Variants in LGALS3BP observed in about 807,000 individuals in gnomAD.
LGALS3BP encodes galectin 3 binding protein, also known as galectin-3-binding protein.
LGALS3BP carries 25 observed loss-of-function variants against 22.9 expected under a neutral mutation model. The observed-to-expected ratio is 1.09, with a 90% CI of 0.80 to 1.53. The LOEUF (loss-of-function observed/expected upper bound fraction) is 1.53. LGALS3BP is among the 40% of genes most tolerant of loss of function. The pLI, the probability that LGALS3BP is intolerant of heterozygous loss-of-function variation, is 0.00. For synonymous variants in LGALS3BP, 335 were observed against 331.1 expected, an observed-to-expected ratio of 1.01 and a Z score of -0.13; for missense variants, 718 against 752.0, an observed-to-expected ratio of 0.95 and a Z score of 0.53.
rs2070750258 is a variant in LGALS3BP, at chr17:78,979,920, G to C, written c.-120C>G. 1 of 152,262 alleles carries C rather than the reference G, an allele frequency of 6.6e-6. No homozygotes were observed. The highest frequency in any genetic ancestry group is 1.5e-5 in the Non-Finnish European group (1 of 68,074). The allele number at this position is 152,262 out of a possible 1,614,324, so 9.4% of individuals were successfully genotyped here. A position where few individuals can be genotyped will look rare whatever the true frequency, so the allele number is the denominator to read the frequency against. ...TCCTTTGACCCAGAAGCCTCTCCCA[G>C]TATGGAGCGTGGTCAGGCTGATCCC... On this transcript the variant is annotated 5_prime_UTR_variant, in exon 1 of 6. Coordinates refer to ENST00000262776, the MANE Select transcript of LGALS3BP (RefSeq NM_005567.4).
chr17:78,972,226 C>T lies in LGALS3BP; in HGVS notation c.1108G>A (p.Glu370Lys), dbSNP rs756284561. Residue 370 changes from glutamate (E) to lysine (K), a missense_variant, in exon 6 of 6, where the codon GAG (glutamate) becomes AAG (lysine). Physicochemically the swap from Glu to Lys is moderately conservative, Grantham distance 56. Transcript: ENST00000262776. This position sits in a 1 kb window ranked among gnomAD's most constrained non-coding sequence, Gnocchi z 5.1. Reference protein sequence around the residue: ...QFNLSLYWSHEALFQKKTLQA... With the variant: ...QFNLSLYWSHKALFQKKTLQA... ...AGAGTCTTCTTCTGGAACAGGGCCT[C>T]GTGGCTCCAGTACAGGGACAGGTTG... is the stretch of plus-strand genomic sequence containing the variant. 1.7e-5 allele frequency: 28 copies of T among 1,613,774 alleles called. No homozygotes were observed. In the Middle Eastern group the frequency reaches 8.2e-4, roughly 47 times the overall value.
Position 78,973,224 on chromosome 17 carries a change from T to A in LGALS3BP, c.377-2A>T. 6.5e-7 allele frequency: 1 copy of A among 1,527,374 alleles called. No homozygotes were observed. Among genetic ancestry groups the A allele is most frequent in the Non-Finnish European group, 8.8e-7 (1 of 1,134,964 alleles). The allele number at this position is 1,527,374 out of a possible 1,614,324, so 94.6% of individuals were successfully genotyped here. ...CCAGGGTGTGGGTGCTCCTGGTTTC[T>A]AAGAAGGGGCGGGAGGGAAGTGGGC... On this transcript the variant is annotated splice_acceptor_variant, in intron 4 of 5. Transcript: ENST00000262776. LOFTEE classifies it high-confidence loss of function. This position sits in a 1 kb window ranked among gnomAD's most constrained non-coding sequence, Gnocchi z 5.8.
chr17:78,972,428 G>A lies in LGALS3BP; in HGVS notation c.906C>T (p.Asp302=). Residue 302 remains aspartate, a synonymous_variant, in exon 6 of 6, where the codon GAC becomes GAT. Coordinates refer to ENST00000262776, the MANE Select transcript of LGALS3BP (RefSeq NM_005567.4). The surrounding 1 kb of genome is among the most constrained non-coding windows in gnomAD (Gnocchi z 5.1). The part of the protein sequence containing the change: ...QAEAWPSVPT[D]LLQLLLPRSD... Reference sequence around the variant, plus strand: ...TCCTGGGCAGCAGCAGTTGGAGCAGGTCTGTGGGGACACTGGGCCAGGCCT... The same window carrying A: ...TCCTGGGCAGCAGCAGTTGGAGCAGATCTGTGGGGACACTGGGCCAGGCCT... The A allele has an allele frequency of 6.2e-7, 1 of 1,613,470 alleles. No homozygotes were observed. The highest frequency in any genetic ancestry group is 1.1e-5 in the South Asian group (1 of 91,088).
Position 78,974,653 on chromosome 17 carries a change from C to A in LGALS3BP, c.376+35G>T, listed in dbSNP as rs758185330. 5 of 1,602,334 alleles carry A rather than the reference C, an allele frequency of 3.1e-6. No homozygotes were observed. The Admixed American group carries it at 5.0e-5, about 16-fold the overall frequency. On this transcript the variant is annotated intron_variant, in intron 4 of 5. Transcript: ENST00000262776. ...AGGGGCCACGGGACCCCAGGGCACA[C>A]TGGGGCCTCCGCAGGGAGGTGCGCC... is the stretch of plus-strand genomic sequence containing the variant.
intron 1 of LGALS3BP, 127 bp from the exon 2 acceptor site, chr17:78,977,341 G>A: frequency 1.4e-6 from 1 of 710,622 alleles, no homozygotes; most frequent in Non-Finnish European, 2.3e-6. Context: ...CTCTCTTGCA[G>A]AGCCCACTAT....
At position 78,973,379 on chromosome 17, in the gene LGALS3BP, C is replaced by T. The variant is rs957506213; in HGVS notation, c.377-157G>A. 28 of 909,550 alleles carry T rather than the reference C, an allele frequency of 3.1e-5. No homozygotes were observed. The highest frequency in any genetic ancestry group is 1.1e-4 in the East Asian group (4 of 37,410). The allele number at this position is 909,550 out of a possible 1,614,324, so 56.3% of individuals were successfully genotyped here. A position where few individuals can be genotyped will look rare whatever the true frequency, so the allele number is the denominator to read the frequency against. The stretch of plus-strand genomic sequence containing the variant: ...GAGGGACAAGAGAGACCGGAAGTGT[C>T]GGATTCCTGGACCCTGAGGCCCCGC... On this transcript the variant is annotated intron_variant, in intron 4 of 5. Coordinates refer to ENST00000262776, the MANE Select transcript of LGALS3BP (RefSeq NM_005567.4). This position sits in a 1 kb window ranked among gnomAD's most constrained non-coding sequence, Gnocchi z 5.8.
In LGALS3BP at chr17:78,973,172, G is replaced by A. The variant is rs576905500; in HGVS notation, c.427C>T (p.Leu143Phe). The stretch of plus-strand genomic sequence containing the variant: ...CGCTGGCTGTCAAAGATCTGGCCAA[G>A]GGCCTCCGAGAGCTCCCTGGAGAGG... ...LDLSRELSEA[L>F]GQIFDSQRGC... is the part of the protein sequence containing the mutation. The change falls in exon 5 of 6, where the codon CTT becomes TTT. Residue 143 changes from leucine (L) to phenylalanine (F), a missense_variant. By Grantham distance (22) the Leu-to-Phe change is conservative. Transcript: ENST00000262776. This position sits in a 1 kb window ranked among gnomAD's most constrained non-coding sequence, Gnocchi z 5.8. 6.2e-7 allele frequency: 1 copy of A among 1,602,290 alleles called. No homozygotes were observed. Among genetic ancestry groups the A allele is most frequent in the Admixed American group, 1.7e-5 (1 of 58,276 alleles).
At position 78,976,230 on chromosome 17, in the gene LGALS3BP, C is replaced by G. The variant is rs971098018; in HGVS notation, c.53-74G>C. On this transcript the variant is annotated intron_variant, in intron 2 of 5. Coordinates refer to ENST00000262776, the MANE Select transcript of LGALS3BP (RefSeq NM_005567.4). The surrounding 1 kb of genome is among the most constrained non-coding windows in gnomAD (Gnocchi z 4.6). ...CGCCCACACCTCCAGGCCCCATATG[C>G]TGTCCTGGGTCTCCCCTGCTGAGCT... 1 of 1,321,260 alleles carries G rather than the reference C, an allele frequency of 7.6e-7. No homozygotes were observed. The highest frequency in any genetic ancestry group is 1.5e-5 in the African/African-American group (1 of 67,802). 81.8% of individuals were successfully genotyped at this position (1,321,260 alleles called of 1,614,324 possible).
chr17:78,974,861 G>A (rs772393279), intron 3 of LGALS3BP, 42 bp from the exon 4 acceptor site: 2 of 1,601,970 alleles, frequency 1.2e-6, no homozygotes, highest in Middle Eastern at 1.7e-4. Context: ...CGTGACGACT[G>A]CACCCAGGAG....
At chr17:78,977,076 C>T (rs1340354265) in intron 2 of LGALS3BP, 64 bp downstream of exon 2, 3 of 1,554,452 alleles carry the variant, frequency 1.9e-6, no homozygotes, top group Non-Finnish European at 2.7e-6. Flanking sequence ...AAGCTCTGAG[C>T]AGCCCCAGGG....
rs2070692649 is a variant in LGALS3BP at position 78,973,367 on chromosome 17, G to A, written c.377-145C>T. 3 of 987,662 alleles carry A rather than the reference G, an allele frequency of 3.0e-6. No individual in the cohort carries two copies. Among genetic ancestry groups the A allele is most frequent in the South Asian group, 1.8e-5 (1 of 54,664 alleles). 61.2% of individuals were successfully genotyped at this position (987,662 alleles called of 1,614,324 possible). ...TCCTGGGAAGACGAGGGACAAGAGA[G>A]ACCGGAAGTGTCGGATTCCTGGACC... On this transcript the variant is annotated intron_variant, in intron 4 of 5. Transcript: ENST00000262776. The surrounding 1 kb of genome is among the most constrained non-coding windows in gnomAD (Gnocchi z 5.8).
chr17:78,973,215 C>T lies in LGALS3BP; in HGVS notation c.384G>A (p.Arg128=). 2 of 1,539,808 alleles carry T rather than the reference C, an allele frequency of 1.3e-6. No homozygotes were observed. Among genetic ancestry groups the T allele is most frequent in the Non-Finnish European group, 1.8e-6 (2 of 1,141,066 alleles). ...DAGVVCTNET[R]STHTLDLSRE... is the part of the protein sequence containing the mutation. Reference sequence around the variant, plus strand: ...TGGAGAGGTCCAGGGTGTGGGTGCTCCTGGTTTCTAAGAAGGGGCGGGAGG... The same window carrying T: ...TGGAGAGGTCCAGGGTGTGGGTGCTTCTGGTTTCTAAGAAGGGGCGGGAGG... Residue 128 remains arginine, a synonymous_variant, in exon 5 of 6, where the codon AGG becomes AGA. Coordinates refer to ENST00000262776, the MANE Select transcript of LGALS3BP (RefSeq NM_005567.4). This position sits in a 1 kb window ranked among gnomAD's most constrained non-coding sequence, Gnocchi z 5.8.
intron 1 of LGALS3BP, chr17:78,977,465 GGGCACCCCCT>G (rs147581488): frequency 0.016 from 7,092 of 447,792 alleles, 132 homozygotes; most frequent in African/African-American, 0.066. Context: ...CGTGGGCTGG[GGGCACCCCCT>G]GGCAGTAAGG....
chr17:78,975,062 A>G, intron 3 of LGALS3BP: 1 of 531,234 alleles, frequency 1.9e-6, no homozygotes, highest in Non-Finnish European at 3.4e-6. Flanking sequence ...ACATTCATGT[A>G]TAGTAATTGT....
chr17:78,971,475 T>G lies in LGALS3BP; in HGVS notation c.*101A>C. The stretch of plus-strand genomic sequence containing the variant: ...GAGTAGGGCGACATCTGGTGGCCGG[T>G]TGTTGAAGGTCATTGCAGAGAGGAA... On this transcript the variant is annotated 3_prime_UTR_variant, in exon 6 of 6. Transcript: ENST00000262776. This position sits in a 1 kb window ranked among gnomAD's most constrained non-coding sequence, Gnocchi z 5.6. 5.6e-6 allele frequency: 6 copies of G among 1,076,766 alleles called. No individual in the cohort carries two copies. The highest frequency in any genetic ancestry group is 6.6e-6 in the Non-Finnish European group (5 of 757,798). 66.7% of individuals were successfully genotyped at this position (1,076,766 alleles called of 1,614,324 possible).
Position 78,975,955 on chromosome 17 carries a change from C to G in LGALS3BP, c.244+10G>C. 6.3e-7 allele frequency: 1 copy of G among 1,592,936 alleles called. No homozygotes were observed. The highest frequency in any genetic ancestry group is 8.5e-7 in the Non-Finnish European group (1 of 1,170,060). On this transcript the variant is annotated intron_variant, in intron 3 of 5. Coordinates refer to ENST00000262776, the MANE Select transcript of LGALS3BP (RefSeq NM_005567.4). ...TCTCAGCCTCAGTGGAAGGGGACAG[C>G]AGGCCCTACCTTGCCCGAAGGCAGC...
chr17:78,975,490 C>T (rs2070711629), intron 3 of LGALS3BP, among the ~76,000 whole-genome samples: 1 of 152,180 alleles, frequency 6.6e-6, no homozygotes, highest in South Asian at 2.1e-4. Flanking sequence ...GATCCGCAGG[C>T]CTTCAGCACC....
intron 3 of LGALS3BP, among the ~76,000 whole-genome samples, chr17:78,975,635 T>C (rs1173692789): frequency 1.3e-5 from 2 of 151,450 alleles, no homozygotes; most frequent in African/African-American, 2.4e-5. Context: ...TACTAAAAAA[T>C]ACAAAAATCA....
chr17:78,979,428 G>T, intron 1 of LGALS3BP: 1 of 152,430 alleles, frequency 6.6e-6, no homozygotes, highest in Non-Finnish European at 1.5e-5. Context: ...CAAACAGGGA[G>T]GCATGACCCC....
Sources: allele counts gnomAD v4.1 joint callset (sites outside exome capture counted in the v4.1 genomes callset), GRCh38; gene constraint gnomAD v4.1.1; non-coding constraint Gnocchi (gnomAD v3.1); transcripts MANE v1.5; gene names NCBI Gene and HGNC (gene_info 2026-07-23, HGNC 2026-07-21).